The following CNTNAP4 variants were observed in gnomAD, a reference collection of about 807,000 sequenced individuals.
The protein encoded by CNTNAP4 is contactin-associated protein-like 4.
CNTNAP4 carries 98 observed loss-of-function variants against 148.4 expected under a neutral mutation model. The ratio of observed to expected loss-of-function variants is 0.66; its 90% CI spans 0.56 to 0.78. The LOEUF (loss-of-function observed/expected upper bound fraction) is 0.78. Among genes scored for constraint, CNTNAP4 ranks in the 30% least tolerant of loss-of-function variants. The pLI, the probability that CNTNAP4 is intolerant of heterozygous loss-of-function variation, is 0.00. For synonymous variants in CNTNAP4, 730 were observed against 565.1 expected (o/e 1.29, Z -4.14); for missense variants, 1,935 against 1,565.6 (o/e 1.24, Z -3.98).
rs922555631 is a variant in CNTNAP4 at position 76,372,296 on chromosome 16, G to T, written c.390+16785G>T. Among the ~76,000 whole-genome samples the T allele has an allele frequency of 3.4e-5, 5 of 146,194 alleles. No homozygotes were observed. The East Asian group carries it at 8.2e-4, about 24-fold the overall frequency. On this transcript the variant is annotated intron_variant, in intron 3 of 23. Coordinates refer to ENST00000611870, the MANE Select transcript of CNTNAP4 (RefSeq NM_033401.5). The stretch of plus-strand genomic sequence containing the variant: ...CTGGGACTACAGGCGCCCGCCACCA[G>T]GCCCAGCTAATTTTTTTTTTTTTTT...
chr16:76,436,269 T>C (rs1443506246), intron 4 of CNTNAP4, among the ~76,000 whole-genome samples: 1 of 152,128 alleles, frequency 6.6e-6, no homozygotes, highest in African/African-American at 2.4e-5. Context: ...GAAAGCTGTT[T>C]CTTCTGGCAA....
intron 3 of CNTNAP4, among the ~76,000 whole-genome samples, chr16:76,358,884 G>GTA (rs60473529): frequency 0.012 from 1,867 of 152,226 alleles, 54 homozygotes; most frequent in African/African-American, 0.043. Flanking sequence ...GTATGTGTGT[G>GTA]TATATATATG....
chr16:76,514,038 A>T (rs1250356654), intron 15 of CNTNAP4, among the ~76,000 whole-genome samples: 1 of 152,196 alleles, frequency 6.6e-6, no homozygotes. Flanking sequence ...TCAATCTTGG[A>T]TTGACCAGAT....
chr16:76,397,397 G>A (rs902037536), intron 3 of CNTNAP4, among the ~76,000 whole-genome samples: 4 of 151,990 alleles, frequency 2.6e-5, no homozygotes, highest in African/African-American at 9.7e-5. Context: ...TTAAATTTCA[G>A]TGAGAATGGG....
At chr16:76,279,729 G>T (rs1264148690) in intron 1 of CNTNAP4, among the ~76,000 whole-genome samples, 1 of 152,170 alleles carries the variant, frequency 6.6e-6, no homozygotes, top group Non-Finnish European at 1.5e-5. Context: ...AAAATGAAAT[G>T]ACCTTATATA....
chr16:76,325,573 A>T (rs1410738751), intron 2 of CNTNAP4, among the ~76,000 whole-genome samples: 2 of 152,202 alleles, frequency 1.3e-5, no homozygotes, highest in African/African-American at 4.8e-5. Flanking sequence ...GAAATGAGAA[A>T]ACATTTTAAC....
chr16:76,465,622 C>G (rs1034818937), intron 9 of CNTNAP4, among the ~76,000 whole-genome samples: 1 of 152,156 alleles, frequency 6.6e-6, no homozygotes, highest in Non-Finnish European at 1.5e-5. Flanking sequence ...TATTATTGAA[C>G]TATTATCCTT....
chr16:76,406,001 A>C (rs2078587847), intron 3 of CNTNAP4, among the ~76,000 whole-genome samples: 1 of 152,096 alleles, frequency 6.6e-6, no homozygotes, highest in Admixed American at 6.6e-5. Flanking sequence ...AGATCGCTTG[A>C]GCTCAGGAGT....
intron 23 of CNTNAP4, among the ~76,000 whole-genome samples, chr16:76,554,256 C>T (rs1030588265): frequency 6.6e-6 from 1 of 152,120 alleles, no homozygotes; most frequent in African/African-American, 2.4e-5. Flanking sequence ...CGTTTTTCTT[C>T]ACTTCTTGGA....
At chr16:76,413,491 G>A (rs12928946) in intron 3 of CNTNAP4, among the ~76,000 whole-genome samples, 113,119 of 150,536 alleles carry the variant, frequency 0.75, 43,782 homozygotes, top group Non-Finnish European at 0.85. Flanking sequence ...ATCTGTTCCA[G>A]TGATCTGTTT....
chr16:76,317,289 AAAC>A (rs72479055), intron 2 of CNTNAP4, among the ~76,000 whole-genome samples: 56 of 81,648 alleles, frequency 6.9e-4, no homozygotes, highest in South Asian at 1.2e-3. Flanking sequence ...AAAAAAAAAA[AAAC>A]CCAAAAAACC....
chr16:76,428,018 T>G (rs868854558), intron 4 of CNTNAP4, among the ~76,000 whole-genome samples: 1 of 152,214 alleles, frequency 6.6e-6, no homozygotes, highest in African/African-American at 2.4e-5. Context: ...AAATATTTTT[T>G]CTTTAGCCTA....
At chr16:76,550,897 C>T (rs1010142346) in intron 21 of CNTNAP4, among the ~76,000 whole-genome samples, 2 of 152,100 alleles carry the variant, frequency 1.3e-5, no homozygotes, top group African/African-American at 4.8e-5. Flanking sequence ...CAGAGTGATG[C>T]TCCCTCAGTG....
chr16:76,484,335 T>G (rs1210059211), intron 12 of CNTNAP4, among the ~76,000 whole-genome samples: 1 of 147,086 alleles, frequency 6.8e-6, no homozygotes, highest in Non-Finnish European at 1.5e-5. Context: ...TAAAGGTGCT[T>G]CATTCAGCAA....
intron 1 of CNTNAP4, among the ~76,000 whole-genome samples, chr16:76,303,557 G>A (rs911308552): frequency 6.6e-6 from 1 of 152,128 alleles, no homozygotes; most frequent in Non-Finnish European, 1.5e-5. Context: ...GTGACTTCAT[G>A]GACATGTGGT....
chr16:76,449,926 A>G lies in CNTNAP4; in HGVS notation c.1071+68A>G, dbSNP rs537274498. On this transcript the variant is annotated intron_variant, in intron 7 of 23. Coordinates refer to ENST00000611870, the MANE Select transcript of CNTNAP4 (RefSeq NM_033401.5). ...TTTTTCCACACAGTAAAATTCCTCC[A>G]TTTTAGGTTCCCATTTGACATGGGG... 4 of 1,394,696 alleles carry G rather than the reference A, an allele frequency of 2.9e-6. No individual in the cohort carries two copies. In the South Asian group the frequency reaches 4.3e-5, roughly 15 times the overall value. 86.4% of individuals were successfully genotyped at this position (1,394,696 alleles called of 1,614,324 possible).
intron 8 of CNTNAP4, among the ~76,000 whole-genome samples, chr16:76,457,801 AT>A (rs5817995): frequency 0.039 from 5,972 of 151,230 alleles, 388 homozygotes; most frequent in African/African-American, 0.14. Context: ...TTTACTTTTT[AT>A]TTTTTTTTAA....
intron 8 of CNTNAP4, among the ~76,000 whole-genome samples, chr16:76,460,747 A>G (rs1247450106): frequency 1.2e-5 from 1 of 85,316 alleles, no homozygotes; most frequent in East Asian, 3.5e-4. Context: ...AGCCAGACTC[A>G]TGTCTCAAAA....
chr16:76,328,809 C>G (rs565894950), intron 2 of CNTNAP4, among the ~76,000 whole-genome samples: 1 of 152,164 alleles, frequency 6.6e-6, no homozygotes, highest in African/African-American at 2.4e-5. Context: ...CCGCACCTGG[C>G]TAATTTTGTA....
Sources: allele counts gnomAD v4.1 joint callset (sites outside exome capture counted in the v4.1 genomes callset), GRCh38; gene constraint gnomAD v4.1.1; transcripts MANE v1.5; gene names NCBI Gene and HGNC (gene_info 2026-07-23, HGNC 2026-07-21).